The following MAF variants were observed in gnomAD, a reference collection of about 807,000 sequenced individuals.
MAF encodes transcription factor Maf.
Under a neutral mutation model 22.0 loss-of-function variants are expected in MAF, and 10 were observed. The ratio of observed to expected loss-of-function variants is 0.45; its 90% CI spans 0.28 to 0.77. The LOEUF is 0.77. MAF is among the 30% of genes least tolerant of loss of function. The pLI is 0.12. For missense variants in MAF, 544 were observed against 548.4 expected, an observed-to-expected ratio of 0.99 and a Z score of 0.08; for synonymous variants, 337 against 255.8, an observed-to-expected ratio of 1.32 and a Z score of -3.03.
At chr16:79,399,247 T>C in the MAF span, among the ~76,000 whole-genome samples, 1 of 152,202 alleles carries the variant, frequency 6.6e-6, no homozygotes, top group Non-Finnish European at 1.5e-5. Flanking sequence ...AAAGATAGCA[T>C]TATGGGCTGT....
the MAF span, among the ~76,000 whole-genome samples, chr16:79,492,521 C>A: frequency 6.6e-6 from 1 of 152,120 alleles, no homozygotes; most frequent in East Asian, 1.9e-4. Context: ...TCCCCCATCC[C>A]AGGTCTAAAC....
At chr16:79,519,806 G>C in the MAF span, among the ~76,000 whole-genome samples, 10 of 152,284 alleles carry the variant, frequency 6.6e-5, no homozygotes, top group Non-Finnish European at 1.5e-4. Context: ...CAGGTAGCCA[G>C]CTGTGGTCCT....
chr16:79,506,091 C>A, the MAF span, among the ~76,000 whole-genome samples: 2 of 152,230 alleles, frequency 1.3e-5, no homozygotes, highest in African/African-American at 2.4e-5. Context: ...TCCTACTGAG[C>A]AGCATAATTT....
At chr16:79,214,088 C>T in the MAF span, among the ~76,000 whole-genome samples, 4 of 152,186 alleles carry the variant, frequency 2.6e-5, no homozygotes, top group African/African-American at 9.6e-5. Context: ...TGCCTTTCTT[C>T]CTCACTGATT....
At chr16:79,372,309 C>T in the MAF span, among the ~76,000 whole-genome samples, 5 of 151,880 alleles carry the variant, frequency 3.3e-5, no homozygotes, top group South Asian at 8.3e-4. Flanking sequence ...AAACATGTAA[C>T]AGAGAAGAAA....
chr16:79,449,448 C>T, the MAF span, among the ~76,000 whole-genome samples: 6 of 152,168 alleles, frequency 3.9e-5, no homozygotes, highest in African/African-American at 4.8e-5. Flanking sequence ...AATAGCTGTG[C>T]GGTGTGCTTG....
the MAF span, among the ~76,000 whole-genome samples, chr16:79,244,018 C>A: frequency 2.0e-5 from 3 of 151,316 alleles, no homozygotes; most frequent in Non-Finnish European, 3.0e-5. Context: ...ATTCAACAAC[C>A]CTTCATGCTA....
At chr16:79,264,239 C>A in the MAF span, among the ~76,000 whole-genome samples, 1 of 152,144 alleles carries the variant, frequency 6.6e-6, no homozygotes, top group African/African-American at 2.4e-5. Context: ...ATAGAGAAAC[C>A]TTAGCTTGAA....
At chr16:79,261,948 C>T in the MAF span, among the ~76,000 whole-genome samples, 1 of 152,152 alleles carries the variant, frequency 6.6e-6, no homozygotes, top group Non-Finnish European at 1.5e-5. Flanking sequence ...TCTTAAGTTG[C>T]TCATATGGAC....
the MAF span, among the ~76,000 whole-genome samples, chr16:79,444,529 T>A: frequency 6.6e-6 from 1 of 152,138 alleles, no homozygotes; most frequent in Non-Finnish European, 1.5e-5. Flanking sequence ...ATTGAATGCA[T>A]CTTAAAGGGC....
the MAF span, among the ~76,000 whole-genome samples, chr16:79,423,241 G>C: frequency 6.6e-6 from 1 of 152,152 alleles, no homozygotes; most frequent in East Asian, 1.9e-4. Context: ...TGGGTGTCCT[G>C]TTTTTCATTT....
rs564218699 is a variant in MAF at position 79,587,298 on chromosome 16, A to C, written c.1119-1357T>G. On this transcript the variant is annotated intron_variant, in intron 1 of 1. Coordinates refer to the MAF transcript ENST00000569649. ...TTTGCCAAATATATAATTTCTATGCAAAAAATAATAGGAAAGAAACAAGAA... is the reference window on the plus strand; with the variant it reads ...TTTGCCAAATATATAATTTCTATGCCAAAAATAATAGGAAAGAAACAAGAA... Among the ~76,000 whole-genome samples the C allele has an allele frequency of 6.6e-5, 10 of 152,294 alleles. No homozygotes were observed. In the East Asian group the frequency reaches 1.5e-3, roughly 24 times the overall value.
chr16:79,349,618 A>G, the MAF span, among the ~76,000 whole-genome samples: 1 of 152,284 alleles, frequency 6.6e-6, no homozygotes, highest in Non-Finnish European at 1.5e-5. Context: ...CCCAGAGGAT[A>G]GCTGCTGTCT....
At chr16:79,521,567 C>T in the MAF span, among the ~76,000 whole-genome samples, 2 of 152,050 alleles carry the variant, frequency 1.3e-5, no homozygotes, top group African/African-American at 4.8e-5. Flanking sequence ...TGAACAAGAC[C>T]CTCCTTCTTC....
chr16:79,565,582 C>A, the MAF span, among the ~76,000 whole-genome samples: 10 of 152,104 alleles, frequency 6.6e-5, no homozygotes, highest in African/African-American at 2.2e-4. Flanking sequence ...ATAGTGAGTT[C>A]TCATGAGATC....
chr16:79,218,779 A>G, the MAF span, among the ~76,000 whole-genome samples: 1 of 152,232 alleles, frequency 6.6e-6, no homozygotes, highest in Non-Finnish European at 1.5e-5. Context: ...CAGTTTGGGC[A>G]GAAAAATACC....
the MAF span, among the ~76,000 whole-genome samples, chr16:79,295,512 T>A: frequency 6.6e-6 from 1 of 152,362 alleles, no homozygotes; most frequent in Non-Finnish European, 1.5e-5. Context: ...AACTCAGTGA[T>A]TGGCACATGT....
chr16:79,240,955 C>T, the MAF span, among the ~76,000 whole-genome samples: 20 of 151,956 alleles, frequency 1.3e-4, no homozygotes, highest in Admixed American at 2.6e-4. Flanking sequence ...GGGGCCTTAC[C>T]GATAGAAGAA....
the MAF span, among the ~76,000 whole-genome samples, chr16:79,578,677 CG>C: frequency 6.6e-6 from 1 of 152,050 alleles, no homozygotes; most frequent in African/African-American, 2.4e-5. Context: ...AAAAGCCATC[CG>C]TCCAAGTTGA....
Sources: allele counts gnomAD v4.1 joint callset (sites outside exome capture counted in the v4.1 genomes callset), GRCh38; gene constraint gnomAD v4.1.1; transcripts MANE v1.5; gene names NCBI Gene and HGNC (gene_info 2026-07-23, HGNC 2026-07-21).